ROBO2: variants seen among roughly 807,000 people sequenced by gnomAD.
ROBO2 encodes roundabout guidance receptor 2.
In ROBO2, 53 loss-of-function variants were observed where a neutral mutation model predicts 160.8. The observed-to-expected ratio is 0.33, with a 90% CI of 0.26 to 0.41. The LOEUF is 0.41. ROBO2 is among the 10% of genes least tolerant of loss of function. ROBO2 has a pLI of 1.00. For missense variants in ROBO2, 1,577 were observed against 1,722.4 expected (o/e 0.92, Z 1.49); for synonymous variants, 664 against 611.7 (o/e 1.09, Z -1.26).
intron 2 of ROBO2, among the ~76,000 whole-genome samples, chr3:77,203,937 A>C (rs139388046): frequency 9.3e-4 from 142 of 152,306 alleles, no homozygotes; most frequent in African/African-American, 3.3e-3. Context: ...CTCTGCATGG[A>C]AAAAGTAACT....
chr3:77,612,622 T>TCA (rs928751404), intron 21 of ROBO2, among the ~76,000 whole-genome samples: 9 of 151,944 alleles, frequency 5.9e-5, no homozygotes, highest in Admixed American at 2.6e-4. Flanking sequence ...TAAATTATCT[T>TCA]CACACACACA....
In ROBO2 at chr3:77,568,309, G is replaced by A; in HGVS notation, c.1850-4G>A. The A allele has an allele frequency of 6.2e-7, 1 of 1,612,524 alleles. No individual in the cohort carries two copies. Among genetic ancestry groups the A allele is most frequent in the East Asian group, 2.2e-5 (1 of 44,814 alleles). On this transcript the variant is annotated splice_polypyrimidine_tract_variant and splice_region_variant and intron_variant, in intron 12 of 25. Transcript: ENST00000461745. ...GTGGGAATGATTCTCTTCTCTAACT[G>A]CAGATATCAGCCCACCAGCACAAGG...
In ROBO2 at chr3:76,632,637, A is replaced by G. The variant is rs190912024; in HGVS notation, c.110-465377A>G. 2.8e-3 allele frequency among the ~76,000 whole-genome samples: 426 copies of G among 152,368 alleles called. 1 individual carries two copies. The highest frequency in any genetic ancestry group is 4.3e-3 in the Non-Finnish European group (293 of 68,032). On this transcript the variant is annotated intron_variant, in intron 2 of 26. Transcript: ENST00000487694. ...GTCACATTAAGAATATCTTATCAAT[A>G]TGCGATCTAGATCATTTAAATCATT...
intron 2 of ROBO2, among the ~76,000 whole-genome samples, chr3:76,267,894 C>T (rs1006277884): frequency 1.3e-5 from 2 of 152,166 alleles, no homozygotes; most frequent in Admixed American, 6.6e-5. Context: ...CACATTACTA[C>T]ATCTTTCTGT....
intron 2 of ROBO2, among the ~76,000 whole-genome samples, chr3:77,469,463 C>CTGG (rs756598567): frequency 6.6e-6 from 1 of 151,896 alleles, no homozygotes; most frequent in Non-Finnish European, 1.5e-5. Flanking sequence ...CCTATGGTAA[C>CTGG]TGGTGGTGGT....
At chr3:75,923,967 C>G (rs138823736) in intron 1 of ROBO2, among the ~76,000 whole-genome samples, 1 of 152,270 alleles carries the variant, frequency 6.6e-6, no homozygotes, top group East Asian at 1.9e-4. Context: ...GTGTTAGCAT[C>G]AAGGACATGA....
intron 2 of ROBO2, among the ~76,000 whole-genome samples, chr3:76,380,924 G>A (rs1482202321): frequency 1.3e-5 from 2 of 151,526 alleles, no homozygotes; most frequent in African/African-American, 2.4e-5. Flanking sequence ...GATCCAGGCA[G>A]TATTTTTGAT....
At chr3:77,232,286 A>G (rs1280130434) in intron 2 of ROBO2, among the ~76,000 whole-genome samples, 3 of 152,102 alleles carry the variant, frequency 2.0e-5, no homozygotes, top group East Asian at 1.9e-4. Flanking sequence ...AGGGAGAGCT[A>G]TTTAGCTGGA....
At chr3:76,444,733 T>C (rs1020425821) in intron 2 of ROBO2, among the ~76,000 whole-genome samples, 4 of 152,174 alleles carry the variant, frequency 2.6e-5, no homozygotes, top group Non-Finnish European at 5.9e-5. Flanking sequence ...AAGATGATAT[T>C]TGAATGGGGA....
intron 2 of ROBO2, among the ~76,000 whole-genome samples, chr3:77,395,694 CT>C (rs2075211567): frequency 1.3e-5 from 2 of 152,002 alleles, no homozygotes; most frequent in Non-Finnish European, 2.9e-5. Context: ...TACAATTCTT[CT>C]TTTATGAGAG....
rs141039456 is a variant in ROBO2, at chr3:76,944,237, A to C, written c.110-153777A>C. 5.5e-3 allele frequency among the ~76,000 whole-genome samples: 843 copies of C among 152,280 alleles called. 8 individuals are homozygous for C. The highest frequency in any genetic ancestry group is 0.019 in the African/African-American group (778 of 41,582). On this transcript the variant is annotated intron_variant, in intron 2 of 26. Transcript: ENST00000487694. Reference sequence around the variant, plus strand: ...TATTTTGTATACATACTACAATCCTATACTGGCAAGTTATCACAAATTTTT... The same window carrying C: ...TATTTTGTATACATACTACAATCCTCTACTGGCAAGTTATCACAAATTTTT...
chr3:77,383,154 C>G (rs1281322153), intron 2 of ROBO2, among the ~76,000 whole-genome samples: 1 of 152,002 alleles, frequency 6.6e-6, no homozygotes, highest in Non-Finnish European at 1.5e-5. Context: ...TTATTACCAC[C>G]TTGTATATAG....
intron 2 of ROBO2, among the ~76,000 whole-genome samples, chr3:76,498,266 T>C (rs2080262772): frequency 6.6e-6 from 1 of 152,184 alleles, no homozygotes; most frequent in South Asian, 2.1e-4. Flanking sequence ...CTACCAGGCA[T>C]TACAATGTAT....
chr3:76,619,564 T>G (rs2088894160), intron 2 of ROBO2, among the ~76,000 whole-genome samples: 1 of 152,196 alleles, frequency 6.6e-6, no homozygotes, highest in South Asian at 2.1e-4. Flanking sequence ...CTCCATACAG[T>G]AAGGATATTA....
chr3:77,317,543 T>C (rs1266025549), intron 2 of ROBO2: 30 of 1,393,240 alleles, frequency 2.2e-5, no homozygotes, highest in Non-Finnish European at 2.9e-5. Context: ...AGCCAATCCA[T>C]AGCCCTTGGT....
intron 2 of ROBO2, among the ~76,000 whole-genome samples, chr3:76,575,279 G>GA (rs567549287): frequency 1.4e-3 from 212 of 151,928 alleles, no homozygotes; most frequent in African/African-American, 5.0e-3. Flanking sequence ...TTTAAAAATG[G>GA]AAAAATTTTG....
chr3:77,502,300 G>T (rs911466172), intron 5 of ROBO2, among the ~76,000 whole-genome samples: 1 of 152,020 alleles, frequency 6.6e-6, no homozygotes, highest in African/African-American at 2.4e-5. Flanking sequence ...TATAGTCACA[G>T]AATACATCTA....
chr3:77,522,756 C>A lies in ROBO2; in HGVS notation c.807-19C>A. On this transcript the variant is annotated intron_variant, in intron 5 of 25. Coordinates refer to ENST00000461745, the Ensembl canonical transcript of ROBO2. Reference sequence around the variant, plus strand: ...TATAGCTACTACTATTTAATAAAACCAGTTCATTTTCTACACAGGTATGAC... The same window carrying A: ...TATAGCTACTACTATTTAATAAAACAAGTTCATTTTCTACACAGGTATGAC... 2 of 1,604,762 alleles carry A rather than the reference C, an allele frequency of 1.2e-6. No homozygotes were observed. Among genetic ancestry groups the A allele is most frequent in the South Asian group, 1.1e-5 (1 of 90,714 alleles).
At chr3:77,604,180 A>G (rs537394001) in intron 20 of ROBO2, 4 of 152,318 alleles carry the variant, frequency 2.6e-5, no homozygotes, top group African/African-American at 9.6e-5. Flanking sequence ...AGAATCCAGA[A>G]AATTTTAAAC....
Sources: allele counts gnomAD v4.1 joint callset (sites outside exome capture counted in the v4.1 genomes callset), GRCh38; gene constraint gnomAD v4.1.1; transcripts MANE v1.5; gene names NCBI Gene and HGNC (gene_info 2026-07-23, HGNC 2026-07-21).